Variants in HLA-DRB5 observed in about 807,000 individuals in gnomAD.
The protein encoded by HLA-DRB5 is DR beta-5.
In HLA-DRB5, 11 loss-of-function variants were observed where a neutral mutation model predicts 22.4. The ratio of observed to expected loss-of-function variants is 0.49; its 90% confidence interval spans 0.31 to 0.81. The LOEUF (loss-of-function observed/expected upper bound fraction) is 0.81, where lower values mean the gene tolerates loss of function less well. Ranked by LOEUF, HLA-DRB5 falls within the 40% of genes least tolerant of loss-of-function variation. The pLI is 0.05. For synonymous variants in HLA-DRB5, 57 were observed against 106.0 expected (o/e 0.54, Z 2.84); for missense variants, 106 against 274.4 (o/e 0.39, Z 4.34).
At chr6:32,524,393 A>G (rs1769330547) in intron 1 of HLA-DRB5, among the ~76,000 whole-genome samples, 1 of 115,268 alleles carries the variant, frequency 8.7e-6, no homozygotes, top group Non-Finnish European at 1.8e-5. Flanking sequence ...CAGCTATTTT[A>G]TTCCCATTTA....
chr6:32,529,168 C>CCT, intron 1 of HLA-DRB5, among the ~76,000 whole-genome samples: 1 of 137,148 alleles, frequency 7.3e-6, no homozygotes, highest in African/African-American at 2.7e-5. Flanking sequence ...AGGACTTGAT[C>CCT]ATTAACTTTC....
rs181007863 is a variant in HLA-DRB5, at chr6:32,528,877, A to T, written c.100+1248T>A. ...AGGATAGCTTGAGTCTTGGAGGCAG[A>T]GGTTGCAGTGAGCCTAGATCGGACC... On this transcript the variant is annotated intron_variant, in intron 1 of 5. Transcript: ENST00000374975. Among the ~76,000 whole-genome samples the T allele has an allele frequency of 7.2e-3, 451 of 62,960 alleles. 25 individuals carry two copies. Among genetic ancestry groups the T allele is most frequent in the Middle Eastern group, 0.015 (2 of 134 alleles). The allele number at this position is 62,960 out of a possible 152,430, so 41.3% of individuals were successfully genotyped here.
In HLA-DRB5 at chr6:32,522,186, C is replaced by A. The variant is rs201218424; in HGVS notation, c.101-12G>T. 55,293 of 725,252 alleles carry A rather than the reference C, an allele frequency of 0.076. 8,836 individuals carry two copies. Among genetic ancestry groups the A allele is most frequent in the Admixed American group, 0.18 (5,886 of 31,884 alleles). 44.9% of individuals were successfully genotyped at this position (725,252 alleles called of 1,614,324 possible). On this transcript the variant is annotated splice_polypyrimidine_tract_variant and intron_variant, in intron 1 of 5. Transcript: ENST00000374975. ...CTGCAAGAAACGTGCTGTGGGGACA[C>A]GAAGGATCCGGTCACAGGGGCGGCC...
At chr6:32,520,406 C>CT (rs1768686702) in intron 2 of HLA-DRB5, among the ~76,000 whole-genome samples, 1 of 41,332 alleles carries the variant, frequency 2.4e-5, no homozygotes, top group African/African-American at 8.9e-5. Flanking sequence ...AAATGGTTCT[C>CT]CAATCTTTAA....
Position 32,522,091 on chromosome 6 carries a change from T to G in HLA-DRB5, c.184A>C (p.Asn62His), listed in dbSNP as rs1059576. 198,592 of 1,220,862 alleles carry G rather than the reference T, an allele frequency of 0.16. 18,196 individuals carry two copies. Among genetic ancestry groups the G allele is most frequent in the Admixed American group, 0.21 (10,171 of 48,802 alleles). 75.6% of individuals were successfully genotyped at this position (1,220,862 alleles called of 1,614,324 possible). A position where few individuals can be genotyped will look rare whatever the true frequency, so the allele number is the denominator to read the frequency against. ...RVRFLHRDIY[N>H]QEEDLRFDSD... Reference sequence around the variant, plus strand: ...TCGAAGCGCAAGTCCTCCTCTTGGTTATAGATGTCTCTGTGCAGGAACCGC... The same window carrying G: ...TCGAAGCGCAAGTCCTCCTCTTGGTGATAGATGTCTCTGTGCAGGAACCGC... Residue 62 changes from asparagine (N) to histidine (H), a missense_variant, in exon 2 of 6, where the codon AAC becomes CAC. Transcript: ENST00000374975.
chr6:32,523,073 T>A (rs114066419), intron 1 of HLA-DRB5, among the ~76,000 whole-genome samples: 1,567 of 99,732 alleles, frequency 0.016, 3 homozygotes, highest in East Asian at 0.097. Flanking sequence ...TGAAAAGCGT[T>A]GTGGGTGGTG....
In HLA-DRB5 at chr6:32,522,178, T is replaced by C. The variant is rs36153736; in HGVS notation, c.101-4A>G. ...TTATCCTGCTGCAAGAAACGTGCTG[T>C]GGGGACACGAAGGATCCGGTCACAG... On this transcript the variant is annotated splice_region_variant and splice_polypyrimidine_tract_variant and intron_variant, in intron 1 of 5. Transcript: ENST00000374975. 0.049 allele frequency: 37,169 copies of C among 759,336 alleles called. 1,546 individuals carry two copies. The highest frequency in any genetic ancestry group is 0.067 in the Admixed American group (2,185 of 32,688). 47.0% of individuals were successfully genotyped at this position (759,336 alleles called of 1,614,324 possible). A position where few individuals can be genotyped will look rare whatever the true frequency, so the allele number is the denominator to read the frequency against.
intron 1 of HLA-DRB5, among the ~76,000 whole-genome samples, chr6:32,529,069 A>G (rs1442111745): frequency 1.3e-5 from 2 of 149,982 alleles, no homozygotes; most frequent in Non-Finnish European, 3.0e-5. Flanking sequence ...GGAAGAGGTA[A>G]GCAGACATGG....
At chr6:32,519,882 T>C (rs1452175970) in intron 2 of HLA-DRB5, among the ~76,000 whole-genome samples, 1 of 96,950 alleles carries the variant, frequency 1.0e-5, no homozygotes, top group Non-Finnish European at 2.2e-5. Flanking sequence ...CACTTGAAAT[T>C]GGGATGCATT....
At chr6:32,529,387 TA>T (rs773400997) in intron 1 of HLA-DRB5, among the ~76,000 whole-genome samples, 424 of 31,266 alleles carry the variant, frequency 0.014, 22 homozygotes, top group East Asian at 0.059. Flanking sequence ...ATAGAAAGGT[TA>T]AAAAAGATTT....
chr6:32,519,494 C>G lies in HLA-DRB5; in HGVS notation c.528G>C (p.Leu176=). 1 of 1,493,000 alleles carries G rather than the reference C, an allele frequency of 6.7e-7. No individual in the cohort carries two copies. Among genetic ancestry groups the G allele is most frequent in the South Asian group, 1.1e-5 (1 of 88,098 alleles). 92.5% of individuals were successfully genotyped at this position (1,493,000 alleles called of 1,614,324 possible). A position where few individuals can be genotyped will look rare whatever the true frequency, so the allele number is the denominator to read the frequency against. Residue 176 remains leucine (L), a synonymous_variant, in exon 3 of 6, where the codon CTG becomes CTC. Coordinates refer to ENST00000374975, the MANE Select transcript of HLA-DRB5 (RefSeq NM_002125.4). ...GGAAGGTCCAGTCTCCATTCTGAAT[C>G]AGGCCTGTGGACACCACCCCAGCCT... ...EEKAGVVSTG[L]IQNGDWTFQT...
Position 32,523,393 on chromosome 6 carries a change from GT to G in HLA-DRB5, c.101-1220del, listed in dbSNP as rs1286454712. Reference sequence around the variant, plus strand: ...ATGTAAAATACTATATATTTTAGATGTTTTTGTCTTTATGTTTGATTGAAGT... The same window carrying G: ...ATGTAAAATACTATATATTTTAGATGTTTTGTCTTTATGTTTGATTGAAGT... On this transcript the variant is annotated intron_variant, in intron 1 of 5. Transcript: ENST00000374975. Among the ~76,000 whole-genome samples the G allele has an allele frequency of 3.3e-5, 2 of 60,036 alleles. 1 individual carries two copies. The highest frequency in any genetic ancestry group is 6.6e-5 in the Non-Finnish European group (2 of 30,298). 39.4% of individuals were successfully genotyped at this position (60,036 alleles called of 152,430 possible). A position where few individuals can be genotyped will look rare whatever the true frequency, so the allele number is the denominator to read the frequency against.
At chr6:32,519,097 GCC>G (rs1252444585) in intron 3 of HLA-DRB5, among the ~76,000 whole-genome samples, 4,709 of 96,038 alleles carry the variant, frequency 0.049, no homozygotes, top group African/African-American at 0.054. Context: ...AGGGTCTGGA[GCC>G]CTGGGAGAGG....
intron 1 of HLA-DRB5, among the ~76,000 whole-genome samples, 183 bp downstream of exon 1, chr6:32,529,942 A>T (rs117317282): frequency 0.059 from 8,535 of 143,792 alleles, 467 homozygotes; most frequent in Admixed American, 0.1. Flanking sequence ...ACACAGTCTC[A>T]TGGAGAGGGC....
chr6:32,518,605 G>A lies in HLA-DRB5; in HGVS notation c.714C>T (p.Gly238=). 1.5e-6 allele frequency: 1 copy of A among 651,840 alleles called. No homozygotes were observed. Among genetic ancestry groups the A allele is most frequent in the South Asian group, 2.3e-5 (1 of 42,794 alleles). 40.4% of individuals were successfully genotyped at this position (651,840 alleles called of 1,614,324 possible). ...MLSGVGGFVL[G]LLFLGAGLFI... ...ATAGCCCGGCCCCAAGGAAGAGCAG[G>A]CCCAGCACAAAGCCCCCGACTCCAC... Residue 238 remains glycine (G), a synonymous_variant, in exon 4 of 6, where the codon GGC becomes GGT. Coordinates refer to ENST00000374975, the MANE Select transcript of HLA-DRB5 (RefSeq NM_002125.4).
intron 1 of HLA-DRB5, among the ~76,000 whole-genome samples, chr6:32,528,132 C>G (rs116786459): frequency 0.04 from 1,843 of 46,586 alleles, 112 homozygotes; most frequent in Admixed American, 0.05. Context: ...ATCTTCACGA[C>G]TGTCTACTTA....
intron 1 of HLA-DRB5, among the ~76,000 whole-genome samples, chr6:32,529,388 A>C (rs1770052478): frequency 4.4e-5 from 1 of 22,650 alleles, no homozygotes; most frequent in South Asian, 9.9e-4. Flanking sequence ...TAGAAAGGTT[A>C]AAAAAGATTT....
chr6:32,523,927 A>G (rs112953163), intron 1 of HLA-DRB5, among the ~76,000 whole-genome samples: 20,956 of 70,690 alleles, frequency 0.3, 2,082 homozygotes, highest in Middle Eastern at 0.39. Flanking sequence ...TGAACATTGT[A>G]GGTTCTCTAG....
Position 32,522,958 on chromosome 6 carries a change from T to TGA in HLA-DRB5, c.101-785_101-784insTC, listed in dbSNP as rs1562437957. ...GAAATACCATGCACAAAAGCTTGAA[T>TGA]TGATGAACTTCTTCAAGAAACTAGA... On this transcript the variant is annotated intron_variant, in intron 1 of 5. Coordinates refer to ENST00000374975, the MANE Select transcript of HLA-DRB5 (RefSeq NM_002125.4). Among the ~76,000 whole-genome samples the TGA allele has an allele frequency of 2.8e-4, 31 of 111,466 alleles. 2 individuals are homozygous for TGA. The highest frequency in any genetic ancestry group is 2.8e-4 in the Admixed American group (3 of 10,844). 73.1% of individuals were successfully genotyped at this position (111,466 alleles called of 152,430 possible).
Sources: allele counts gnomAD v4.1 joint callset (sites outside exome capture counted in the v4.1 genomes callset), GRCh38; gene constraint gnomAD v4.1.1; transcripts MANE v1.5; gene names NCBI Gene and HGNC (gene_info 2026-07-23, HGNC 2026-07-21).